MYB: variants seen among roughly 807,000 people sequenced by gnomAD.
MYB encodes MYB proto-oncogene, transcription factor, also known as transcriptional activator Myb.
In MYB, 28 loss-of-function variants were observed where a neutral mutation model predicts 92.9. The observed-to-expected ratio is 0.30, with a 90% CI of 0.22 to 0.41. The LOEUF (loss-of-function observed/expected upper bound fraction) is 0.41. Ranked by LOEUF, MYB falls within the 10% of genes least tolerant of loss-of-function variation. The pLI is 1.00. For missense variants in MYB, 679 were observed against 929.3 expected (o/e 0.73, Z 3.50); for synonymous variants, 295 against 329.1 (o/e 0.90, Z 1.12).
intron 5 of MYB, among the ~76,000 whole-genome samples, chr6:135,191,610 C>T (rs1443799598): frequency 1.3e-5 from 2 of 152,128 alleles, no homozygotes; most frequent in African/African-American, 2.4e-5. Flanking sequence ...AGCATACATT[C>T]CCCCACCCCC....
intron 8 of MYB, chr6:135,194,784 A>G (rs146714868): frequency 3.8e-4 from 238 of 631,294 alleles, no homozygotes; most frequent in Middle Eastern, 1.7e-3. Flanking sequence ...CTACAGAGCT[A>G]TGTATCTATA....
intron 15 of MYB, among the ~76,000 whole-genome samples, chr6:135,213,775 T>G (rs746112428): frequency 6.6e-6 from 1 of 152,022 alleles, no homozygotes; most frequent in Non-Finnish European, 1.5e-5. Context: ...TCTGAGCTAC[T>G]GAGGAGGCTG....
intron 14 of MYB, chr6:135,202,799 A>T: frequency 2.5e-6 from 1 of 400,096 alleles, no homozygotes. Flanking sequence ...CTTGTTCTAA[A>T]TTCCCTACTT....
chr6:135,188,907 G>A (rs1388522992), intron 3 of MYB, among the ~76,000 whole-genome samples: 5 of 152,174 alleles, frequency 3.3e-5, no homozygotes, highest in African/African-American at 9.7e-5. Flanking sequence ...CACAGTGACA[G>A]AATCTCACAA....
chr6:135,203,166 T>C (rs1778373122), intron 14 of MYB, 51 bp from the exon 15 acceptor site: 1 of 1,321,108 alleles, frequency 7.6e-7, no homozygotes, highest in African/African-American at 1.5e-5. Context: ...AAAATGTGGC[T>C]CTCATATTAT....
chr6:135,201,734 T>C lies in MYB; in HGVS notation c.2046T>C (p.Pro682=). ...LNTQLFTQTS[P]VADAPNILTS... ...CCCAACTGTTCACGCAGACCTCGCC[T>C]GTGGCAGATGCACCGGTAAGTACGT... The change falls in exon 14 of 16, where the codon CCT becomes CCC. Residue 682 remains proline, a synonymous_variant. Transcript: ENST00000341911. The C allele has an allele frequency of 6.7e-7, 1 of 1,498,164 alleles. No individual in the cohort carries two copies. Among genetic ancestry groups the C allele is most frequent in the African/African-American group, 1.4e-5 (1 of 70,850 alleles). The allele number at this position is 1,498,164 out of a possible 1,614,324, so 92.8% of individuals were successfully genotyped here.
In MYB at chr6:135,194,392, C is replaced by T; in HGVS notation, c.880C>T (p.Arg294Ter). 1 of 1,613,432 alleles carries T rather than the reference C, an allele frequency of 6.2e-7. No homozygotes were observed. The highest frequency in any genetic ancestry group is 8.5e-7 in the Non-Finnish European group (1 of 1,179,668). ...TGATGAAGACCCTGAGAAGGAAAAG[C>T]GAATAAAGGAATTAGAATTGCTCCT... ...YNDEDPEKEK[R>*]IKELELLLMS... Residue 294 changes from arginine (R) to a stop codon, truncating the protein, a stop_gained, in exon 8 of 16, where the codon CGA becomes TGA. Transcript: ENST00000341911. LOFTEE classifies it high-confidence loss of function.
At chr6:135,210,977 C>T (rs1447114202) in intron 15 of MYB, among the ~76,000 whole-genome samples, 1 of 151,884 alleles carries the variant, frequency 6.6e-6, no homozygotes, top group East Asian at 1.9e-4. Context: ...TATTCCCTGT[C>T]CCACTCTTAC....
chr6:135,194,808 G>T (rs766322159), intron 8 of MYB: 9 of 927,838 alleles, frequency 9.7e-6, no homozygotes, highest in Admixed American at 3.4e-5. Context: ...TACCATTTTG[G>T]TTTTTTTCTA....
chr6:135,195,666 T>TA, intron 8 of MYB, 82 bp from the exon 9 acceptor site: 1 of 1,484,090 alleles, frequency 6.7e-7, no homozygotes, highest in Non-Finnish European at 9.3e-7. Context: ...CAGCATCTGA[T>TA]ACCTTGTGCA....
intron 15 of MYB, among the ~76,000 whole-genome samples, chr6:135,209,360 A>G (rs1779405405): frequency 1.3e-5 from 2 of 152,100 alleles, no homozygotes; most frequent in African/African-American, 4.8e-5. Context: ...CAGTTTCCCA[A>G]GTAGTTGGGA....
In MYB at chr6:135,191,865, G is replaced by A. The variant is rs539339381; in HGVS notation, c.528-459G>A. 2.6e-5 allele frequency among the ~76,000 whole-genome samples: 4 copies of A among 152,276 alleles called. No individual in the cohort carries two copies. The East Asian group carries it at 7.7e-4, about 29-fold the overall frequency. ...TCTCACTAGTGCTTTGAGAGATAAA[G>A]AGTGAAGTATTCTTCATCAGCAGCA... On this transcript the variant is annotated intron_variant, in intron 5 of 15. Transcript: ENST00000341911.
At chr6:135,186,063 T>A (rs1297401904) in intron 2 of MYB, 43 bp downstream of exon 2, 2 of 1,557,902 alleles carry the variant, frequency 1.3e-6, no homozygotes, top group Non-Finnish European at 1.8e-6. Context: ...AGATAGAGTG[T>A]ATAATTTATA....
intron 13 of MYB, 113 bp downstream of exon 13, chr6:135,200,528 C>G (rs773325541): frequency 6.8e-6 from 10 of 1,471,392 alleles, no homozygotes; most frequent in Non-Finnish European, 9.4e-6. Context: ...ACTTTTCGTG[C>G]AAGATTTTCA....
chr6:135,199,952 A>G (rs950623259), intron 11 of MYB, 133 bp from the exon 12 acceptor site: 1 of 690,232 alleles, frequency 1.4e-6, no homozygotes, highest in African/African-American at 1.8e-5. Flanking sequence ...AACGTGATTA[A>G]TCAGCACACC....
Position 135,190,571 on chromosome 6 carries a change from T to C in MYB, c.527+224T>C, listed in dbSNP as rs1243094134. Among the ~76,000 whole-genome samples, 1 of 152,182 alleles carries C rather than the reference T, an allele frequency of 6.6e-6. No individual in the cohort carries two copies. The highest frequency in any genetic ancestry group is 2.4e-5 in the African/African-American group (1 of 41,438). On this transcript the variant is annotated intron_variant, in intron 5 of 15. Coordinates refer to ENST00000341911, the MANE Select transcript of MYB (RefSeq NM_001130173.2). The surrounding 1 kb of genome is among the most constrained non-coding windows in gnomAD (Gnocchi z 4.5). ...TGAGCCCTGGGTGAAGACATTTAGC[T>C]TTCCCCAGCCTCAATTTCCCCATTT... is the stretch of plus-strand genomic sequence containing the variant.
Position 135,190,113 on chromosome 6 carries a change from G to T in MYB, c.307-14G>T, listed in dbSNP as rs1417104793. 6.2e-7 allele frequency: 1 copy of T among 1,609,650 alleles called. No individual in the cohort carries two copies. The highest frequency in any genetic ancestry group is 8.5e-7 in the Non-Finnish European group (1 of 1,176,364). ...ACTTTAAAACATAGGTTATTTTTGTGTGTTTATCTGAAGGTGATAGAGCTT... is the reference window on the plus strand; with the variant it reads ...ACTTTAAAACATAGGTTATTTTTGTTTGTTTATCTGAAGGTGATAGAGCTT... On this transcript the variant is annotated splice_polypyrimidine_tract_variant and intron_variant, in intron 4 of 15. Transcript: ENST00000341911. The surrounding 1 kb of genome is among the most constrained non-coding windows in gnomAD (Gnocchi z 4.5).
Position 135,200,154 on chromosome 6 carries a change from T to C in MYB, c.1779T>C (p.His593=), listed in dbSNP as rs1402945943. 5 of 1,614,106 alleles carry C rather than the reference T, an allele frequency of 3.1e-6. No individual in the cohort carries two copies. The highest frequency in any genetic ancestry group is 4.2e-6 in the Non-Finnish European group (5 of 1,180,046). The change falls in exon 12 of 16, where the codon CAT becomes CAC. Residue 593 remains histidine (H), a synonymous_variant. Transcript: ENST00000341911. ...SSPRTPTPFK[H]ALAAQEIKYG... ...CAAGAACTCCTACACCATTCAAACA[T>C]GCACTTGCAGCTCAAGAAATTAAAT... is the stretch of plus-strand genomic sequence containing the variant.
chr6:135,203,892 A>C, intron 15 of MYB: 1 of 1,185,422 alleles, frequency 8.4e-7, no homozygotes, highest in Non-Finnish European at 1.1e-6. Flanking sequence ...TTTCCCTTGT[A>C]ACCCTAAAGT....
Sources: allele counts gnomAD v4.1 joint callset (sites outside exome capture counted in the v4.1 genomes callset), GRCh38; gene constraint gnomAD v4.1.1; non-coding constraint Gnocchi (gnomAD v3.1); transcripts MANE v1.5; gene names NCBI Gene and HGNC (gene_info 2026-07-23, HGNC 2026-07-21).